Variants in UGT8 observed in about 807,000 individuals in gnomAD.
UGT8 encodes UDP glycosyltransferase 8, also known as 2-hydroxyacylsphingosine 1-beta-galactosyltransferase.
In UGT8, 12 loss-of-function variants were observed where a neutral mutation model predicts 40.5. The ratio of observed to expected loss-of-function variants is 0.30; its 90% CI spans 0.19 to 0.48. The LOEUF (loss-of-function observed/expected upper bound fraction) is 0.48, where lower values mean the gene tolerates loss of function less well. Ranked by LOEUF, UGT8 falls within the 20% of genes least tolerant of loss-of-function variation. The pLI is 0.99. For missense variants in UGT8, 513 were observed against 648.7 expected, an observed-to-expected ratio of 0.79 and a Z score of 2.27; for synonymous variants, 224 against 240.4, an observed-to-expected ratio of 0.93 and a Z score of 0.63.
At chr4:114,602,366 C>T (rs1428428463) in intron 1 of UGT8, among the ~76,000 whole-genome samples, 1 of 152,120 alleles carries the variant, frequency 6.6e-6, no homozygotes, top group Non-Finnish European at 1.5e-5. Context: ...TTTGAGAATC[C>T]TGCTAACCAT....
chr4:114,658,664 A>G (rs1734333508), intron 2 of UGT8, among the ~76,000 whole-genome samples: 1 of 152,014 alleles, frequency 6.6e-6, no homozygotes, highest in South Asian at 2.1e-4. Context: ...GCTACTTACA[A>G]TTTTCTTGCA....
At chr4:114,667,371 A>G (rs570231894) in intron 4 of UGT8, among the ~76,000 whole-genome samples, 349 of 152,264 alleles carry the variant, frequency 2.3e-3, no homozygotes, top group Non-Finnish European at 4.3e-3. Flanking sequence ...GATCCCTTTT[A>G]TAGAAATGTA....
At chr4:114,605,995 C>A (rs1264369586) in intron 1 of UGT8, among the ~76,000 whole-genome samples, 1 of 152,090 alleles carries the variant, frequency 6.6e-6, no homozygotes, top group Non-Finnish European at 1.5e-5. Flanking sequence ...TATCAACATA[C>A]AATTTACCAT....
At position 114,622,979 on chromosome 4, in the gene UGT8, C is replaced by T; in HGVS notation, c.99C>T (p.Ser33=). Residue 33 remains serine, a synonymous_variant, in exon 2 of 6, where the codon AGC becomes AGT. Transcript: ENST00000310836. The part of the protein sequence containing the change: ...IIIVPPIMFE[S]HMYIFKTLAS... Reference sequence around the variant, plus strand: ...TCGTGCCGCCAATTATGTTTGAAAGCCATATGTACATTTTCAAGACGCTAG... The same window carrying T: ...TCGTGCCGCCAATTATGTTTGAAAGTCATATGTACATTTTCAAGACGCTAG... The T allele has an allele frequency of 6.2e-7, 1 of 1,614,042 alleles. No homozygotes were observed. The highest frequency in any genetic ancestry group is 1.1e-5 in the South Asian group (1 of 91,072).
chr4:114,623,888 T>C (rs1170277172), intron 2 of UGT8, 186 bp downstream of exon 2: 1 of 381,058 alleles, frequency 2.6e-6, no homozygotes, highest in East Asian at 1.6e-4. Flanking sequence ...CATTCCTGCT[T>C]TGAATGAGCA....
At position 114,677,106 on chromosome 4, in the gene UGT8, T is replaced by C. The variant is rs1484239159; in HGVS notation, c.*818T>C. On this transcript the variant is annotated 3_prime_UTR_variant, in exon 6 of 6. Transcript: ENST00000310836. ...TTTTAATGAGTAACAATATGTTAAA[T>C]GCATAATTAAGACAAAGCAATGAAA... 1 of 152,208 alleles carries C rather than the reference T, an allele frequency of 6.6e-6. No individual in the cohort carries two copies. Among genetic ancestry groups the C allele is most frequent in the Non-Finnish European group, 1.5e-5 (1 of 68,034 alleles). 9.4% of individuals were successfully genotyped at this position (152,208 alleles called of 1,614,324 possible). A position where few individuals can be genotyped will look rare whatever the true frequency, so the allele number is the denominator to read the frequency against.
At chr4:114,641,655 A>G (rs1369737004) in intron 2 of UGT8, among the ~76,000 whole-genome samples, 1 of 152,200 alleles carries the variant, frequency 6.6e-6, no homozygotes, top group Non-Finnish European at 1.5e-5. Context: ...GAGATTAACC[A>G]TTGTAGTAAA....
At chr4:114,636,515 G>A (rs888548960) in intron 2 of UGT8, among the ~76,000 whole-genome samples, 1 of 151,986 alleles carries the variant, frequency 6.6e-6, no homozygotes, top group African/African-American at 2.4e-5. Context: ...ATAAGCATTT[G>A]TGCTGAATGT....
At chr4:114,632,072 C>A (rs549244215) in intron 2 of UGT8, among the ~76,000 whole-genome samples, 39 of 152,210 alleles carry the variant, frequency 2.6e-4, no homozygotes, top group Non-Finnish European at 5.1e-4. Context: ...ACTCTTCTCC[C>A]TGTTTTAATT....
chr4:114,661,850 C>G (rs539426746), intron 2 of UGT8, among the ~76,000 whole-genome samples: 1 of 152,262 alleles, frequency 6.6e-6, no homozygotes, highest in African/African-American at 2.4e-5. Context: ...ATAATTTTTT[C>G]TACTCTTTCA....
At chr4:114,659,522 GA>G (rs912853251) in intron 2 of UGT8, among the ~76,000 whole-genome samples, 1 of 152,144 alleles carries the variant, frequency 6.6e-6, no homozygotes, top group Admixed American at 6.5e-5. Context: ...TATACCCATA[GA>G]AGTAGTCCGG....
intron 2 of UGT8, among the ~76,000 whole-genome samples, chr4:114,634,126 T>C (rs1732745658): frequency 6.6e-6 from 1 of 152,058 alleles, no homozygotes; most frequent in South Asian, 2.1e-4. Context: ...TGGGGTGAAG[T>C]TGAGTGATGG....
chr4:114,605,744 G>C (rs1386305975), intron 1 of UGT8, among the ~76,000 whole-genome samples: 1 of 152,058 alleles, frequency 6.6e-6, no homozygotes, highest in Admixed American at 6.6e-5. Flanking sequence ...TTCTGTAATA[G>C]GTTCTTGAAA....
At chr4:114,633,271 G>A (rs1732691770) in intron 2 of UGT8, among the ~76,000 whole-genome samples, 1 of 152,150 alleles carries the variant, frequency 6.6e-6, no homozygotes, top group South Asian at 2.1e-4. Flanking sequence ...TAATAAAGAT[G>A]TAAACAAATT....
At chr4:114,614,700 G>C (rs1213936767) in intron 1 of UGT8, among the ~76,000 whole-genome samples, 2 of 152,034 alleles carry the variant, frequency 1.3e-5, no homozygotes, top group African/African-American at 4.8e-5. Context: ...TAATTTTTCT[G>C]ATGGAATGAA....
chr4:114,601,670 A>C (rs1436338794), intron 1 of UGT8, among the ~76,000 whole-genome samples: 2 of 152,112 alleles, frequency 1.3e-5, no homozygotes, highest in Non-Finnish European at 2.9e-5. Context: ...TATTGGATAT[A>C]AGTTATTCTT....
intron 1 of UGT8, among the ~76,000 whole-genome samples, chr4:114,608,520 C>A (rs35759252): frequency 0.1 from 15,746 of 151,910 alleles, 1,185 homozygotes; most frequent in Non-Finnish European, 0.14. Flanking sequence ...TTGAAACATT[C>A]CCCTATTTTT....
At chr4:114,600,900 GC>G (rs1291165714) in intron 1 of UGT8, among the ~76,000 whole-genome samples, 1 of 152,088 alleles carries the variant, frequency 6.6e-6, no homozygotes, top group East Asian at 1.9e-4. Flanking sequence ...TGTATGATTT[GC>G]CTGCCACCTA....
At chr4:114,611,455 C>G (rs1226265053) in intron 1 of UGT8, among the ~76,000 whole-genome samples, 25 of 129,902 alleles carry the variant, frequency 1.9e-4, no homozygotes, top group African/African-American at 3.6e-4. Context: ...TACACACACA[C>G]ACAGAGATAT....
Sources: gnomAD v4.1 joint callset for allele counts (sites outside exome capture counted in the v4.1 genomes callset) on GRCh38, gnomAD v4.1.1 for gene constraint, MANE v1.5 for transcripts, NCBI Gene and HGNC (gene_info 2026-07-23, HGNC 2026-07-21) for gene names.